The following THSD7B variants were observed in gnomAD, a reference collection of about 807,000 sequenced individuals.
The protein encoded by THSD7B is thrombospondin type-1 domain-containing protein 7B.
Under a neutral mutation model 213.6 loss-of-function variants are expected in THSD7B, and 138 were observed. That is an observed-to-expected ratio of 0.65 (90% CI 0.56 to 0.74). The LOEUF (loss-of-function observed/expected upper bound fraction) is 0.74, where lower values mean the gene tolerates loss of function less well. Among genes scored for constraint, THSD7B ranks in the 30% least tolerant of loss-of-function variants. THSD7B has a pLI of 0.00. For missense variants in THSD7B, 1,931 were observed against 1,991.5 expected (o/e 0.97, Z 0.58); for synonymous variants, 742 against 687.0 (o/e 1.08, Z -1.25).
chr2:136,981,581 T>C (rs1488018785), intron 2 of THSD7B, among the ~76,000 whole-genome samples: 2 of 152,214 alleles, frequency 1.3e-5, no homozygotes, highest in African/African-American at 4.8e-5. Context: ...ATTGACCTTG[T>C]AGCATGGCCT....
intron 15 of THSD7B, among the ~76,000 whole-genome samples, chr2:137,492,663 A>G (rs1428114810): frequency 6.6e-6 from 1 of 152,240 alleles, no homozygotes; most frequent in Non-Finnish European, 1.5e-5. Context: ...ATAAAAAGGT[A>G]TAAAACAATG....
chr2:136,925,664 G>A (rs1359409616), intron 2 of THSD7B, among the ~76,000 whole-genome samples: 5 of 152,124 alleles, frequency 3.3e-5, no homozygotes. Context: ...GTGATTTTGG[G>A]ATCAGAGTAA....
intron 2 of THSD7B, among the ~76,000 whole-genome samples, chr2:136,939,563 A>G (rs1051559975): frequency 3.3e-5 from 5 of 152,126 alleles, no homozygotes; most frequent in African/African-American, 4.8e-5. Flanking sequence ...TGCTGTGTGG[A>G]ATTCCAATCC....
chr2:137,523,187 G>A (rs1054387716), intron 15 of THSD7B, among the ~76,000 whole-genome samples: 1 of 152,064 alleles, frequency 6.6e-6, no homozygotes, highest in Non-Finnish European at 1.5e-5. Context: ...TTTGTTAATA[G>A]CTTCTTCTGT....
intron 2 of THSD7B, among the ~76,000 whole-genome samples, chr2:137,010,301 C>T (rs1686204666): frequency 6.6e-6 from 1 of 152,170 alleles, no homozygotes; most frequent in South Asian, 2.1e-4. Context: ...AATAGTAACA[C>T]TATATTAATC....
intron 15 of THSD7B, among the ~76,000 whole-genome samples, chr2:137,560,919 G>A (rs1681104250): frequency 6.6e-6 from 1 of 152,092 alleles, no homozygotes; most frequent in Non-Finnish European, 1.5e-5. Flanking sequence ...GGGGTCAGAG[G>A]AAGAGCCTTG....
chr2:137,252,840 GC>G (rs1434295429), intron 10 of THSD7B, among the ~76,000 whole-genome samples: 1 of 151,002 alleles, frequency 6.6e-6, no homozygotes, highest in Non-Finnish European at 1.5e-5. Flanking sequence ...CCTCTCTTGT[GC>G]CTCCACCAGT....
chr2:137,401,324 G>C (rs192340894), intron 12 of THSD7B, among the ~76,000 whole-genome samples: 139 of 152,188 alleles, frequency 9.1e-4, no homozygotes, highest in Non-Finnish European at 1.3e-3. Flanking sequence ...TTGTGTGTTT[G>C]TTTTGTGTGC....
intron 3 of THSD7B, among the ~76,000 whole-genome samples, chr2:137,076,402 T>C (rs956464010): frequency 6.6e-6 from 1 of 152,226 alleles, no homozygotes; most frequent in African/African-American, 2.4e-5. Flanking sequence ...GTGAGGGATA[T>C]AATCTCCTGG....
chr2:137,097,423 A>G (rs1688059409), intron 4 of THSD7B, among the ~76,000 whole-genome samples: 2 of 152,166 alleles, frequency 1.3e-5, no homozygotes, highest in African/African-American at 2.4e-5. Context: ...GACATGGAAC[A>G]TTTTTGAGAG....
chr2:137,549,830 G>A (rs1203853460), intron 15 of THSD7B, among the ~76,000 whole-genome samples: 1 of 152,000 alleles, frequency 6.6e-6, no homozygotes, highest in African/African-American at 2.4e-5. Flanking sequence ...GTGTCCTCAA[G>A]GTTCATCCAT....
intron 1 of THSD7B, among the ~76,000 whole-genome samples, chr2:136,790,112 T>A (rs1331824816): frequency 1.4e-5 from 2 of 146,044 alleles, no homozygotes; most frequent in Non-Finnish European, 3.1e-5. Flanking sequence ...CTGGTTTGTG[T>A]GTGTGTTTGT....
intron 9 of THSD7B, among the ~76,000 whole-genome samples, chr2:137,236,622 C>G (rs1267123461): frequency 6.6e-6 from 1 of 152,158 alleles, no homozygotes; most frequent in Non-Finnish European, 1.5e-5. Context: ...GTGAAAACAA[C>G]TGGCATTTTG....
intron 12 of THSD7B, among the ~76,000 whole-genome samples, chr2:137,383,325 T>G (rs545057926): frequency 7.0e-6 from 1 of 143,216 alleles, no homozygotes; most frequent in Admixed American, 6.7e-5. Flanking sequence ...CTGGAGTTAT[T>G]TGCTCCCTGT....
chr2:136,886,691 T>A (rs1387662402), intron 2 of THSD7B, among the ~76,000 whole-genome samples: 2 of 152,196 alleles, frequency 1.3e-5, no homozygotes, highest in Non-Finnish European at 2.9e-5. Flanking sequence ...TGAGTTAAGA[T>A]AAAGCCATCA....
intron 2 of THSD7B, among the ~76,000 whole-genome samples, chr2:137,048,030 G>A (rs1338311906): frequency 6.6e-6 from 1 of 151,976 alleles, no homozygotes; most frequent in Admixed American, 6.5e-5. Context: ...TCTACATTAG[G>A]TATTTCTCCT....
At chr2:137,316,529 A>C (rs377625011) in intron 12 of THSD7B, among the ~76,000 whole-genome samples, 2 of 152,288 alleles carry the variant, frequency 1.3e-5, no homozygotes, top group African/African-American at 4.8e-5. Context: ...TAATCCCAGC[A>C]CTTTGGGAGG....
At chr2:137,191,401 C>T (rs1180341716) in intron 7 of THSD7B, among the ~76,000 whole-genome samples, 1 of 152,106 alleles carries the variant, frequency 6.6e-6, no homozygotes, top group Admixed American at 6.5e-5. Flanking sequence ...GCTGCATCCT[C>T]AAGGCTCTGA....
chr2:137,639,140 C>A (rs1682889995), intron 20 of THSD7B, among the ~76,000 whole-genome samples: 1 of 152,020 alleles, frequency 6.6e-6, no homozygotes, highest in African/African-American at 2.4e-5. Context: ...TCACAGCAGG[C>A]CCTCCCATCA....
Sources: gnomAD v4.1 joint callset for allele counts (sites outside exome capture counted in the v4.1 genomes callset) on GRCh38, gnomAD v4.1.1 for gene constraint, MANE v1.5 for transcripts, NCBI Gene and HGNC (gene_info 2026-07-23, HGNC 2026-07-21) for gene names.